The following ARHGAP24 variants were observed in gnomAD, a reference collection of about 807,000 sequenced individuals.
ARHGAP24 encodes the protein Rho GTPase activating protein 24, also known as rho GTPase-activating protein 24.
ARHGAP24 carries 50 observed loss-of-function variants against 76.4 expected under a neutral mutation model. That is an observed-to-expected ratio of 0.65 (90% CI 0.52 to 0.83). The LOEUF (loss-of-function observed/expected upper bound fraction) is 0.83. ARHGAP24 is among the 40% of genes least tolerant of loss of function. ARHGAP24 has a pLI of 0.00. For missense variants in ARHGAP24, 930 were observed against 914.2 expected (o/e 1.02, Z -0.22); for synonymous variants, 345 against 323.3 (o/e 1.07, Z -0.72).
chr4:85,569,126 TA>T (rs1027761126), intron 1 of ARHGAP24, among the ~76,000 whole-genome samples: 3 of 152,140 alleles, frequency 2.0e-5, no homozygotes, highest in Non-Finnish European at 4.4e-5. Flanking sequence ...GCAAATTGAT[TA>T]AAAAATAGTG....
intron 2 of ARHGAP24, among the ~76,000 whole-genome samples, chr4:85,591,080 T>C (rs1728088213): frequency 7.2e-6 from 1 of 139,470 alleles, no homozygotes; most frequent in Admixed American, 8.0e-5. Context: ...GTTTTGCTCT[T>C]GTAGCCCAGG....
rs146577716 is a variant in ARHGAP24 at position 85,923,997 on chromosome 4, A to C, written c.391+227A>C. ...CCTTCTTCTGTGAATATGTTGAATGATAAAAATGGGTGGGTTTTTTTTTTA... is the reference window on the plus strand; with the variant it reads ...CCTTCTTCTGTGAATATGTTGAATGCTAAAAATGGGTGGGTTTTTTTTTTA... On this transcript the variant is annotated intron_variant, in intron 4 of 9. Coordinates refer to ENST00000395184, the MANE Select transcript of ARHGAP24 (RefSeq NM_001025616.3). Among the ~76,000 whole-genome samples, 1,230 of 152,274 alleles carry C rather than the reference A, an allele frequency of 8.1e-3. 15 individuals carry two copies. Among genetic ancestry groups the C allele is most frequent in the African/African-American group, 0.028 (1,148 of 41,560 alleles).
At chr4:85,476,724 A>G (rs10034597) in intron 1 of ARHGAP24, among the ~76,000 whole-genome samples, 34,847 of 152,106 alleles carry the variant, frequency 0.23, 4,325 homozygotes, top group Admixed American at 0.32. Context: ...CCTTCAGGGC[A>G]AAAATGGATG....
chr4:85,927,285 A>G (rs1272706762), intron 4 of ARHGAP24, among the ~76,000 whole-genome samples: 1 of 152,202 alleles, frequency 6.6e-6, no homozygotes, highest in Non-Finnish European at 1.5e-5. Flanking sequence ...TAGAACAGGG[A>G]AATGTACAGA....
chr4:85,997,290 G>T (rs1162069530), intron 9 of ARHGAP24, among the ~76,000 whole-genome samples: 1 of 151,374 alleles, frequency 6.6e-6, no homozygotes, highest in Admixed American at 6.6e-5. Flanking sequence ...AAATAGGTAG[G>T]TAGGTAGGTA....
At chr4:85,687,148 T>G (rs1994082) in intron 2 of ARHGAP24, among the ~76,000 whole-genome samples, 6,257 of 152,194 alleles carry the variant, frequency 0.041, 406 homozygotes, top group African/African-American at 0.14. Flanking sequence ...TTAATTAAAA[T>G]TTTTGTTGAG....
At chr4:85,485,416 T>TATAG (rs1283790979) in intron 1 of ARHGAP24, among the ~76,000 whole-genome samples, 37 of 115,774 alleles carry the variant, frequency 3.2e-4, no homozygotes, top group African/African-American at 1.2e-3. Flanking sequence ...TATATATATC[T>TATAG]CCTTGGATTT....
chr4:85,752,533 G>C (rs1388355976), intron 3 of ARHGAP24, among the ~76,000 whole-genome samples: 1 of 152,012 alleles, frequency 6.6e-6, no homozygotes, highest in African/African-American at 2.4e-5. Context: ...TAATCAATCG[G>C]TATTAAATAT....
At chr4:85,928,727 G>T (rs1293243429) in intron 4 of ARHGAP24, among the ~76,000 whole-genome samples, 1 of 152,168 alleles carries the variant, frequency 6.6e-6, no homozygotes, top group Non-Finnish European at 1.5e-5. Flanking sequence ...CTCCCAAAGT[G>T]CTGGGATTAT....
chr4:85,478,936 A>T lies in ARHGAP24; in HGVS notation c.-21+3377A>T, dbSNP rs1181535591. On this transcript the variant is annotated intron_variant, in intron 1 of 9. Transcript: ENST00000395184. The stretch of plus-strand genomic sequence containing the variant: ...ATGTATTTCCCCTGTCCTCTCTCAC[A>T]ACTACTGTGAGTTCCTCACTGGGTA... Among the ~76,000 whole-genome samples, 3 of 152,270 alleles carry T rather than the reference A, an allele frequency of 2.0e-5. No homozygotes were observed. In the East Asian group the frequency reaches 5.8e-4, roughly 29 times the overall value.
At chr4:85,772,944 G>C (rs768860470) in intron 3 of ARHGAP24, among the ~76,000 whole-genome samples, 2 of 152,184 alleles carry the variant, frequency 1.3e-5, no homozygotes, top group African/African-American at 2.4e-5. Context: ...GCGCCTCATA[G>C]ACAGATGAAT....
At chr4:85,560,421 G>C (rs1726548309) in intron 1 of ARHGAP24, among the ~76,000 whole-genome samples, 3 of 152,092 alleles carry the variant, frequency 2.0e-5, no homozygotes, top group Admixed American at 2.0e-4. Context: ...AAGTCATTTT[G>C]ATTTCTTAGC....
At chr4:85,623,807 A>G (rs551551382) in intron 2 of ARHGAP24, among the ~76,000 whole-genome samples, 2 of 151,490 alleles carry the variant, frequency 1.3e-5, no homozygotes, top group African/African-American at 2.4e-5. Context: ...GGTCCTTCAC[A>G]TCCTTTGTAA....
intron 1 of ARHGAP24, among the ~76,000 whole-genome samples, chr4:85,526,346 G>C (rs776321771): frequency 6.6e-6 from 1 of 150,716 alleles, no homozygotes; most frequent in Non-Finnish European, 1.5e-5. Flanking sequence ...ACTGCAGTGA[G>C]CTGTGTTTGT....
At chr4:85,752,489 G>C (rs1265135594) in intron 3 of ARHGAP24, among the ~76,000 whole-genome samples, 1 of 151,786 alleles carries the variant, frequency 6.6e-6, no homozygotes, top group Admixed American at 6.6e-5. Context: ...CTCAAATACT[G>C]TTCCATATTC....
At chr4:85,608,551 G>GTTTTTTTTTTTTTTTTTTTTTT (rs141361475) in intron 2 of ARHGAP24, among the ~76,000 whole-genome samples, 1 of 73,186 alleles carries the variant, frequency 1.4e-5, no homozygotes, top group Non-Finnish European at 2.4e-5. Context: ...TTGTTTGGTT[G>GTTTTTTTTTTTTTTTTTTTTTT]TTTTTTTTTT....
chr4:85,782,056 AAAAAAAG>A (rs1169099032), intron 3 of ARHGAP24, among the ~76,000 whole-genome samples: 1,402 of 91,280 alleles, frequency 0.015, 21 homozygotes, highest in Non-Finnish European at 0.026. Context: ...AAAAAAGAAA[AAAAAAAG>A]AAAAAAAAAA....
At chr4:85,701,827 T>G (rs1724099701) in intron 2 of ARHGAP24, among the ~76,000 whole-genome samples, 1 of 152,184 alleles carries the variant, frequency 6.6e-6, no homozygotes, top group African/African-American at 2.4e-5. Context: ...TATAATACAA[T>G]AGAGGCTCCA....
chr4:85,808,462 G>A (rs534446972), intron 3 of ARHGAP24, among the ~76,000 whole-genome samples: 1 of 152,174 alleles, frequency 6.6e-6, no homozygotes, highest in South Asian at 2.1e-4. Flanking sequence ...TTAGGCAAAT[G>A]TGTTTTGAGT....
Sources: allele counts gnomAD v4.1 joint callset (sites outside exome capture counted in the v4.1 genomes callset), GRCh38; gene constraint gnomAD v4.1.1; transcripts MANE v1.5; gene names NCBI Gene and HGNC (gene_info 2026-07-23, HGNC 2026-07-21).